SBF2: variants seen among roughly 807,000 people sequenced by gnomAD.
The protein encoded by SBF2 is myotubularin-related protein 13.
In SBF2, 112 loss-of-function variants were observed where a neutral mutation model predicts 225.2. The observed-to-expected ratio is 0.50, with a 90% confidence interval of 0.43 to 0.58. The LOEUF is 0.58. Ranked by LOEUF, SBF2 falls within the 20% of genes least tolerant of loss-of-function variation. The pLI, the probability that SBF2 is intolerant of heterozygous loss-of-function variation, is 0.00. For missense variants in SBF2, 1,996 were observed against 2,206.2 expected, an observed-to-expected ratio of 0.90 and a Z score of 1.91; for synonymous variants, 763 against 773.3, an observed-to-expected ratio of 0.99 and a Z score of 0.22.
At position 10,067,789 on chromosome 11, in the gene SBF2, G is replaced by C. The variant is rs965367610; in HGVS notation, c.142-24808C>G. On this transcript the variant is annotated intron_variant, in intron 2 of 39. Coordinates refer to ENST00000256190, the MANE Select transcript of SBF2 (RefSeq NM_030962.4). ...AGCTGTCTGTGCATCCAGCTCGAGA[G>C]GCTGAGGTGGGAGGATCAATTGAGC... Among the ~76,000 whole-genome samples, 23 of 152,080 alleles carry C rather than the reference G, an allele frequency of 1.5e-4. 1 individual carries two copies. Among genetic ancestry groups the C allele is most frequent in the Admixed American group, 1.5e-3 (23 of 15,258 alleles).
intron 2 of SBF2, among the ~76,000 whole-genome samples, chr11:10,073,757 T>C (rs1185946579): frequency 6.6e-6 from 1 of 152,062 alleles, no homozygotes; most frequent in Non-Finnish European, 1.5e-5. Context: ...AGGAGACCTA[T>C]CAACCAAATG....
chr11:9,965,278 C>T (rs1169824122), intron 14 of SBF2, among the ~76,000 whole-genome samples: 2 of 151,132 alleles, frequency 1.3e-5, no homozygotes, highest in African/African-American at 4.9e-5. Context: ...AACCTATATT[C>T]GTCAAATAAT....
In SBF2 at chr11:9,780,399, C is replaced by G; in HGVS notation, c.*19G>C. ...AGCATGAGTTCTTCTGTTTCTTCTG[C>G]GTGGGTTGACCATGGGCATCAGGCA... On this transcript the variant is annotated 3_prime_UTR_variant, in exon 40 of 40. Transcript: ENST00000256190. 6.3e-7 allele frequency: 1 copy of G among 1,596,380 alleles called. No individual in the cohort carries two copies.
At chr11:10,167,682 CTGTT>C (rs1422474316) in intron 2 of SBF2, among the ~76,000 whole-genome samples, 11 of 152,306 alleles carry the variant, frequency 7.2e-5, no homozygotes, top group South Asian at 6.2e-4. Context: ...TTCTTAGACT[CTGTT>C]TGGCAAAAAG....
At chr11:9,849,344 T>C (rs1856765223) in intron 22 of SBF2, among the ~76,000 whole-genome samples, 1 of 152,210 alleles carries the variant, frequency 6.6e-6, no homozygotes, top group Non-Finnish European at 1.5e-5. Context: ...GGAGTCCTGT[T>C]GTTTTGCCCA....
intron 2 of SBF2, among the ~76,000 whole-genome samples, chr11:10,094,188 T>C (rs925204109): frequency 7.2e-5 from 11 of 152,002 alleles, no homozygotes; most frequent in East Asian, 1.9e-4. Context: ...AAATTAGTGG[T>C]GGCGCATGCC....
intron 29 of SBF2, among the ~76,000 whole-genome samples, chr11:9,815,514 A>G (rs1250513475): frequency 6.6e-6 from 1 of 151,980 alleles, no homozygotes; most frequent in East Asian, 1.9e-4. Context: ...AAAGAAAAAG[A>G]GGGCAGGAGG....
In SBF2 at chr11:9,808,180, T is replaced by C. The variant is rs368381654; in HGVS notation, c.4263A>G (p.Thr1421=). ...GATCACTGAGTAACTGAACCAGGGA[T>C]GTCACCTAGGGCATAAGCAGGATGG... ...EEGWDITAQV[T]SLVQLLSDPF... The change falls in exon 32 of 40, where the codon ACA becomes ACG. Residue 1421 remains threonine, a synonymous_variant. Transcript: ENST00000256190. 3.0e-5 allele frequency: 49 copies of C among 1,613,716 alleles called. No homozygotes were observed. Among genetic ancestry groups the C allele is most frequent in the Non-Finnish European group, 4.1e-5 (48 of 1,179,908 alleles).
At chr11:9,891,491 G>A (rs190249763) in intron 17 of SBF2, among the ~76,000 whole-genome samples, 7 of 152,294 alleles carry the variant, frequency 4.6e-5, no homozygotes, top group African/African-American at 1.4e-4. Flanking sequence ...AGTATGTGTC[G>A]TGAGGGTAAG....
chr11:10,116,012 C>T (rs1178153041), intron 2 of SBF2, among the ~76,000 whole-genome samples: 1 of 151,642 alleles, frequency 6.6e-6, no homozygotes, highest in African/African-American at 2.4e-5. Context: ...TAAAAAAATA[C>T]AAAAAAATTA....
intron 1 of SBF2, among the ~76,000 whole-genome samples, chr11:10,196,837 A>AATATAT (rs71313475): frequency 1.8e-4 from 15 of 83,508 alleles, no homozygotes; most frequent in East Asian, 1.8e-3. Context: ...TTCTTGCATA[A>AATATAT]ATATATATAT....
At chr11:10,288,446 G>T (rs994667501) in intron 1 of SBF2, among the ~76,000 whole-genome samples, 1 of 152,132 alleles carries the variant, frequency 6.6e-6, no homozygotes, top group African/African-American at 2.4e-5. Context: ...TATGCAGGCA[G>T]GTCACCCCAG....
intron 28 of SBF2, among the ~76,000 whole-genome samples, chr11:9,827,858 G>A (rs1855160696): frequency 6.6e-6 from 1 of 152,138 alleles, no homozygotes; most frequent in Admixed American, 6.5e-5. Context: ...TCCCAGGGCT[G>A]ACTCATCATT....
intron 2 of SBF2, among the ~76,000 whole-genome samples, chr11:10,058,242 C>T (rs1950320666): frequency 6.6e-6 from 1 of 152,096 alleles, no homozygotes; most frequent in Admixed American, 6.6e-5. Context: ...GATGGCAAAA[C>T]CCAATCCAAG....
At chr11:10,036,528 T>C (rs1039722557) in intron 3 of SBF2, among the ~76,000 whole-genome samples, 5 of 152,162 alleles carry the variant, frequency 3.3e-5, no homozygotes, top group African/African-American at 7.2e-5. Flanking sequence ...AAATCAGATA[T>C]AGTTAACATG....
At chr11:9,818,808 G>A (rs759146887) in intron 28 of SBF2, among the ~76,000 whole-genome samples, 38 of 152,210 alleles carry the variant, frequency 2.5e-4, no homozygotes, top group Non-Finnish European at 5.4e-4. Flanking sequence ...CACAGCCTCT[G>A]CCTCCTGGGT....
intron 6 of SBF2, among the ~76,000 whole-genome samples, chr11:10,007,720 A>G (rs1159296323): frequency 1.3e-5 from 2 of 152,006 alleles, no homozygotes; most frequent in Non-Finnish European, 2.9e-5. Context: ...TGCCCCTTCT[A>G]CCTCATTATA....
chr11:10,151,609 T>C (rs938279388), intron 2 of SBF2, among the ~76,000 whole-genome samples: 4 of 152,204 alleles, frequency 2.6e-5, no homozygotes, highest in East Asian at 3.8e-4. Context: ...ACTTAAAACA[T>C]AAATGTACAA....
At chr11:9,831,596 C>G (rs1055651444) in intron 27 of SBF2, among the ~76,000 whole-genome samples, 3 of 152,122 alleles carry the variant, frequency 2.0e-5, no homozygotes, top group Non-Finnish European at 4.4e-5. Flanking sequence ...TTTTGAGCAT[C>G]TATTATGAGG....
Sources: gnomAD v4.1 joint callset for allele counts (sites outside exome capture counted in the v4.1 genomes callset) on GRCh38, gnomAD v4.1.1 for gene constraint, MANE v1.5 for transcripts, NCBI Gene and HGNC (gene_info 2026-07-23, HGNC 2026-07-21) for gene names.